Variants in ESRRG observed in about 807,000 individuals in gnomAD.
ESRRG encodes estrogen-related receptor gamma.
ESRRG carries 13 observed loss-of-function variants against 44.0 expected under a neutral mutation model. The observed-to-expected ratio is 0.30, with a 90% CI of 0.19 to 0.47. The LOEUF is 0.47. Among genes scored for constraint, ESRRG ranks in the 20% least tolerant of loss-of-function variants. The pLI, the probability that ESRRG is intolerant of heterozygous loss-of-function variation, is 1.00. For missense variants in ESRRG, 395 were observed against 580.6 expected (o/e 0.68, Z 3.29); for synonymous variants, 215 against 214.6 (o/e 1.00, Z -0.02).
intron 5 of ESRRG, among the ~76,000 whole-genome samples, chr1:216,520,342 T>C (rs1206095945): frequency 6.6e-6 from 1 of 152,172 alleles, no homozygotes; most frequent in Non-Finnish European, 1.5e-5. Flanking sequence ...ATGATTAATA[T>C]ATGTTCTTTT....
intron 1 of ESRRG, among the ~76,000 whole-genome samples, chr1:216,686,855 C>A (rs538806014): frequency 1.2e-4 from 19 of 152,070 alleles, no homozygotes; most frequent in Non-Finnish European, 2.8e-4. Flanking sequence ...ACAACTTCAG[C>A]CCTGTTTAAA....
At chr1:216,663,917 A>C (rs2073201716) in intron 2 of ESRRG, among the ~76,000 whole-genome samples, 1 of 152,178 alleles carries the variant, frequency 6.6e-6, no homozygotes, top group Admixed American at 6.5e-5. Context: ...GAGAACTGAC[A>C]CAGGAAATGG....
At chr1:217,100,195 C>T (rs1166321206) in intron 1 of ESRRG, among the ~76,000 whole-genome samples, 1 of 152,192 alleles carries the variant, frequency 6.6e-6, no homozygotes, top group African/African-American at 2.4e-5. Context: ...GTTTAGGACT[C>T]ATACAGAAAA....
intron 2 of ESRRG, among the ~76,000 whole-genome samples, chr1:216,881,590 C>A (rs1425626476): frequency 1.3e-5 from 2 of 151,928 alleles, no homozygotes; most frequent in Admixed American, 1.3e-4. Flanking sequence ...TCTAGGGTTC[C>A]CATCACCATC....
rs754083052 is a variant in ESRRG at position 216,650,961 on chromosome 1, A to G, written c.589+12T>C. 1 of 1,563,186 alleles carries G rather than the reference A, an allele frequency of 6.4e-7. No individual in the cohort carries two copies. The highest frequency in any genetic ancestry group is 1.1e-5 in the South Asian group (1 of 90,122). On this transcript the variant is annotated intron_variant, in intron 3 of 6. Transcript: ENST00000408911. Reference sequence around the variant, plus strand: ...AAATCAAAACCTCAGGGGCACTAGCAAAGAGCCTTACCTTCTTTCAGCATG... The same window carrying G: ...AAATCAAAACCTCAGGGGCACTAGCGAAGAGCCTTACCTTCTTTCAGCATG...
intron 2 of ESRRG, among the ~76,000 whole-genome samples, chr1:216,779,960 T>A (rs552967011): frequency 6.6e-6 from 1 of 151,992 alleles, no homozygotes; most frequent in South Asian, 2.1e-4. Context: ...AGCCAACATG[T>A]TCTATACACC....
At chr1:216,953,261 A>G (rs1422939697) in intron 1 of ESRRG, among the ~76,000 whole-genome samples, 1 of 152,146 alleles carries the variant, frequency 6.6e-6, no homozygotes, top group African/African-American at 2.4e-5. Flanking sequence ...AACCAAGGCC[A>G]TTAGGGACCA....
In ESRRG at chr1:217,053,133, T is replaced by TAAAAAAAAAAA. The variant is rs71303007; in HGVS notation, c.-106+36363_-106+36373dup. Among the ~76,000 whole-genome samples the TAAAAAAAAAAA allele has an allele frequency of 1.2e-3, 140 of 119,010 alleles. 1 individual carries two copies. The highest frequency in any genetic ancestry group is 4.2e-3 in the African/African-American group (124 of 29,656). The allele number at this position is 119,010 out of a possible 152,430, so 78.1% of individuals were successfully genotyped here. On this transcript the variant is annotated intron_variant, in intron 1 of 7. Transcript: ENST00000359162. ...GAGGTAACATAGCAAAATCCCATCT[T>TAAAAAAAAAAA]AAAAAAAAAAAAAAAAAAAACAGAA...
intron 1 of ESRRG, among the ~76,000 whole-genome samples, chr1:217,050,406 C>T (rs1255520879): frequency 1.3e-5 from 2 of 152,128 alleles, no homozygotes; most frequent in East Asian, 3.9e-4. Context: ...GCTTTATCAT[C>T]TGAGGTCTTA....
At chr1:217,091,385 G>A (rs78408801), upstream of ESRRG, among the ~76,000 whole-genome samples, 1,888 of 152,270 alleles carry the variant, frequency 0.012, 41 homozygotes, top group African/African-American at 0.042. Context: ...GCAGCTGCTC[G>A]AAGGTTTAAA....
At chr1:217,008,518 T>C (rs905623663) in intron 1 of ESRRG, among the ~76,000 whole-genome samples, 4 of 152,116 alleles carry the variant, frequency 2.6e-5, no homozygotes, top group African/African-American at 9.7e-5. Context: ...ACTTAGATTG[T>C]TTGCACTCTC....
upstream of ESRRG, among the ~76,000 whole-genome samples, chr1:216,725,089 A>G (rs1234839469): frequency 6.6e-6 from 1 of 152,212 alleles, no homozygotes; most frequent in Non-Finnish European, 1.5e-5. Context: ...ACTAAAATAG[A>G]GCAGCCACAT....
intron 1 of ESRRG, among the ~76,000 whole-genome samples, chr1:217,042,200 A>C (rs2083975297): frequency 6.6e-6 from 1 of 152,198 alleles, no homozygotes; most frequent in African/African-American, 2.4e-5. Context: ...CAGTATGCTG[A>C]ATGACATATA....
chr1:216,797,740 G>A (rs1400262349), intron 2 of ESRRG, among the ~76,000 whole-genome samples: 2 of 152,104 alleles, frequency 1.3e-5, no homozygotes, highest in African/African-American at 4.8e-5. Context: ...TATCAAGGGT[G>A]TATACTACCA....
chr1:216,770,923 C>CTCAT (rs755411603), intron 2 of ESRRG, among the ~76,000 whole-genome samples: 11 of 152,104 alleles, frequency 7.2e-5, no homozygotes, highest in Admixed American at 2.0e-4. Context: ...CATTCATTCA[C>CTCAT]TCATTCACTA....
chr1:216,570,293 TGAAA>T (rs2060537807), intron 3 of ESRRG, among the ~76,000 whole-genome samples: 2 of 152,206 alleles, frequency 1.3e-5, no homozygotes. Flanking sequence ...AAGCATTCAC[TGAAA>T]ATTGCCATGC....
intron 1 of ESRRG, among the ~76,000 whole-genome samples, chr1:216,989,328 T>C (rs533469379): frequency 1.3e-5 from 2 of 150,920 alleles, no homozygotes; most frequent in South Asian, 4.2e-4. Flanking sequence ...GGCACGTACC[T>C]GTAGTCCCAG....
intron 1 of ESRRG, among the ~76,000 whole-genome samples, chr1:216,686,493 C>T (rs1016146331): frequency 2.7e-5 from 4 of 148,796 alleles, no homozygotes; most frequent in Non-Finnish European, 4.4e-5. Context: ...ACATAGCATC[C>T]AGTGAAGCCA....
At chr1:216,992,137 T>C (rs2075805687) in intron 1 of ESRRG, among the ~76,000 whole-genome samples, 1 of 152,178 alleles carries the variant, frequency 6.6e-6, no homozygotes, top group African/African-American at 2.4e-5. Context: ...GAATGGGGGC[T>C]TCACCTTGAT....
Sources: allele counts gnomAD v4.1 joint callset (sites outside exome capture counted in the v4.1 genomes callset), GRCh38; gene constraint gnomAD v4.1.1; transcripts MANE v1.5; gene names NCBI Gene and HGNC (gene_info 2026-07-23, HGNC 2026-07-21).